The following PCLO variants were observed in gnomAD, a reference collection of about 807,000 sequenced individuals.
PCLO encodes the protein protein piccolo.
A neutral mutation model predicts 427.5 loss-of-function variants in PCLO; 82 were observed. The ratio of observed to expected loss-of-function variants is 0.19; its 90% CI spans 0.16 to 0.23. The LOEUF (loss-of-function observed/expected upper bound fraction) is 0.23. PCLO is among the 10% of genes least tolerant of loss of function. The pLI, the probability that PCLO is intolerant of heterozygous loss-of-function variation, is 1.00. For synonymous variants in PCLO, 2,357 were observed against 2,155.4 expected, an observed-to-expected ratio of 1.09 and a Z score of -2.59; for missense variants, 6,239 against 6,115.9, an observed-to-expected ratio of 1.02 and a Z score of -0.67.
intron 3 of PCLO, among the ~76,000 whole-genome samples, chr7:83,097,977 T>C (rs973824417): frequency 7.2e-5 from 11 of 152,164 alleles, no homozygotes; most frequent in African/African-American, 2.7e-4. Context: ...ACACTTGGAT[T>C]ATATTATTTG....
chr7:82,953,456 A>G lies in PCLO; in HGVS notation c.7497T>C (p.Phe2499=), dbSNP rs946624380. Residue 2499 remains phenylalanine (F), a synonymous_variant, in exon 5 of 25, where the codon TTT becomes TTC. Transcript: ENST00000333891. ...GTTTGCTTGGCTCAGGCCTGTGGGT[A>G]AATACAAGTCCAGATGGAATTGAAG... ...KPSSIPSGLV[F]THRPEPSKPP... 1.2e-6 allele frequency: 2 copies of G among 1,613,512 alleles called. No individual in the cohort carries two copies. Among genetic ancestry groups the G allele is most frequent in the Admixed American group, 3.3e-5 (2 of 59,936 alleles).
rs1428952363 is a variant in PCLO, at chr7:82,846,641, A to G, written c.13764-7T>C. ...TGATAGCATATTGAGGTCCCTAAAAATTAAAACAAAACATTAAGAAAGATA... is the reference window on the plus strand; with the variant it reads ...TGATAGCATATTGAGGTCCCTAAAAGTTAAAACAAAACATTAAGAAAGATA... On this transcript the variant is annotated splice_polypyrimidine_tract_variant and splice_region_variant and intron_variant, in intron 11 of 24. Transcript: ENST00000333891. The G allele has an allele frequency of 8.9e-6, 14 of 1,577,556 alleles. No individual in the cohort carries two copies. The highest frequency in any genetic ancestry group is 1.2e-5 in the Non-Finnish European group (14 of 1,155,438).
chr7:82,798,889 G>T (rs113302777), intron 22 of PCLO, among the ~76,000 whole-genome samples: 2 of 151,840 alleles, frequency 1.3e-5, no homozygotes, highest in African/African-American at 4.8e-5. Flanking sequence ...CTCAACCCCC[G>T]CCCCTCTGCT....
chr7:82,974,692 G>A (rs1016217122), intron 3 of PCLO, among the ~76,000 whole-genome samples: 2 of 152,110 alleles, frequency 1.3e-5, no homozygotes, highest in East Asian at 1.9e-4. Flanking sequence ...TATCATTTAT[G>A]TTTTATGTGC....
chr7:82,891,660 T>C (rs1584109033), intron 9 of PCLO, among the ~76,000 whole-genome samples: 1 of 152,166 alleles, frequency 6.6e-6, no homozygotes, highest in Middle Eastern at 3.4e-3. Context: ...CAGTATGATA[T>C]TGGCTGTGGG....
At chr7:82,957,483 T>G (rs1224796190) in intron 4 of PCLO, among the ~76,000 whole-genome samples, 1 of 152,214 alleles carries the variant, frequency 6.6e-6, no homozygotes, top group Non-Finnish European at 1.5e-5. Context: ...TTTGTTATCA[T>G]TCTTGTCAAA....
chr7:82,869,099 G>C (rs1199417711), intron 10 of PCLO, among the ~76,000 whole-genome samples: 4 of 151,972 alleles, frequency 2.6e-5, no homozygotes, highest in African/African-American at 7.2e-5. Context: ...AAAATCCAGT[G>C]ATTAAATAAA....
In PCLO at chr7:82,950,240, C is replaced by T. The variant is rs1222931809; in HGVS notation, c.10348G>A (p.Glu3450Lys). ...ACATAGCTCCGATCTGTGGCATCTT[C>T]GTCATCCGTTTGTACACCACTGTCC... The part of the protein sequence containing the change: ...IVDSGVQTDD[E>K]DATDRSYVSR... The change falls in exon 6 of 25, where the codon GAA (glutamate) becomes AAA (lysine). Residue 3450 changes from glutamate (E) to lysine (K), a missense_variant. Glu to Lys is a moderately conservative substitution (Grantham distance 56, BLOSUM62 1). This residue lies in a region of PCLO where 4,677 missense variants were observed against 4,468.4 expected (regional missense o/e 1.05). Transcript: ENST00000333891. 6 of 1,612,962 alleles carry T rather than the reference C, an allele frequency of 3.7e-6. No individual in the cohort carries two copies. Among genetic ancestry groups the T allele is most frequent in the Non-Finnish European group, 5.1e-6 (6 of 1,179,748 alleles).
chr7:82,801,578 G>C lies in PCLO; in HGVS notation c.14947C>G (p.Gln4983Glu), dbSNP rs558871819. The C allele has an allele frequency of 5.7e-6, 9 of 1,582,346 alleles. No homozygotes were observed. Among genetic ancestry groups the C allele is most frequent in the Non-Finnish European group, 6.9e-6 (8 of 1,151,820 alleles). ...TGTTTTACAGGCTCTTGTCCATTCT[G>C]TCCCATCTTCCCTCTGTTTAGAAAT... The part of the protein sequence containing the change: ...FPIPRIGKMG[Q>E]NGQEPVKQPG... Residue 4983 changes from glutamine (Q) to glutamate (E), a missense_variant, in exon 22 of 25, where the codon CAG (glutamine) becomes GAG (glutamate). Physicochemically the swap from Gln to Glu is conservative, Grantham distance 29. Around this residue, in one of 5 missense-constraint regions of PCLO, gnomAD observed 877 missense variants for 925.5 expected, o/e 0.95. Coordinates refer to ENST00000333891, the MANE Select transcript of PCLO (RefSeq NM_033026.6).
chr7:83,020,891 T>G (rs1053312916), intron 3 of PCLO, among the ~76,000 whole-genome samples: 3 of 152,188 alleles, frequency 2.0e-5, no homozygotes, highest in Non-Finnish European at 2.9e-5. Context: ...TTCTCATAGT[T>G]GTTTGTCACC....
In PCLO at chr7:82,953,056, T is replaced by G. The variant is rs374002924; in HGVS notation, c.7897A>C (p.Ile2633Leu). 2.5e-6 allele frequency: 4 copies of G among 1,613,780 alleles called. No individual in the cohort carries two copies. The highest frequency in any genetic ancestry group is 3.4e-6 in the Non-Finnish European group (4 of 1,179,848). ...ATGTAGAAGGTCTGTTCTGAAGAAA[T>G]TGGAATTTCTACAGCTGTCACAGGA... ...VPPVTAVEIP[I>L]SSEQTFYISG... Residue 2633 changes from isoleucine to leucine, a missense_variant, in exon 5 of 25, where the codon ATT (isoleucine) becomes CTT (leucine). This residue lies in a region of PCLO where 4,677 missense variants were observed against 4,468.4 expected (regional missense o/e 1.05). Transcript: ENST00000333891.
At chr7:82,973,433 G>C (rs1411871479) in intron 3 of PCLO, among the ~76,000 whole-genome samples, 1 of 152,104 alleles carries the variant, frequency 6.6e-6, no homozygotes. Flanking sequence ...ACATAAATAT[G>C]TATATGAATA....
At chr7:83,031,094 A>G (rs1024549875) in intron 3 of PCLO, among the ~76,000 whole-genome samples, 1 of 152,166 alleles carries the variant, frequency 6.6e-6, no homozygotes, top group Non-Finnish European at 1.5e-5. Flanking sequence ...CCTGAGCTGC[A>G]CTGTTCATAC....
At chr7:82,927,309 C>T (rs759955312) in intron 6 of PCLO, among the ~76,000 whole-genome samples, 3 of 152,126 alleles carry the variant, frequency 2.0e-5, no homozygotes, top group Non-Finnish European at 4.4e-5. Flanking sequence ...TTGGCTATTT[C>T]GCTTTCATGA....
chr7:83,078,952 T>C (rs909874489), intron 3 of PCLO, among the ~76,000 whole-genome samples: 2 of 152,134 alleles, frequency 1.3e-5, no homozygotes. Context: ...TTGTTAAAAC[T>C]ATACATAGGC....
chr7:83,074,311 T>C (rs1178269614), intron 3 of PCLO, among the ~76,000 whole-genome samples: 1 of 152,060 alleles, frequency 6.6e-6, no homozygotes, highest in African/African-American at 2.4e-5. Context: ...ATTTGTTTCA[T>C]AGGTAAAAAC....
chr7:83,162,500 G>A lies in PCLO; in HGVS notation c.93C>T (p.Ser31=). The A allele has an allele frequency of 6.4e-7, 1 of 1,567,832 alleles. No homozygotes were observed. Among genetic ancestry groups the A allele is most frequent in the Non-Finnish European group, 8.6e-7 (1 of 1,156,872 alleles). ...AAGGGASGAG[S]PSHTAIPAGM... is the part of the protein sequence containing the mutation. The stretch of plus-strand genomic sequence containing the variant: ...CGGCCGGGATCGCGGTGTGAGAGGG[G>A]CTCCCCGCCCCGCTAGCTCCTCCTC... The change falls in exon 1 of 25, where the codon AGC becomes AGT. Residue 31 remains serine (S), a synonymous_variant. Transcript: ENST00000333891.
At chr7:82,863,175 A>T (rs2115928071) in intron 10 of PCLO, among the ~76,000 whole-genome samples, 1 of 152,142 alleles carries the variant, frequency 6.6e-6, no homozygotes, top group South Asian at 2.1e-4. Flanking sequence ...TACTTTGCTT[A>T]CTTTGCTTAT....
intron 22 of PCLO, among the ~76,000 whole-genome samples, chr7:82,784,956 C>T (rs1160922147): frequency 1.3e-5 from 2 of 152,146 alleles, no homozygotes; most frequent in African/African-American, 4.8e-5. Context: ...AAATATATTG[C>T]CTCCAGCTTT....
Sources: allele counts gnomAD v4.1 joint callset (sites outside exome capture counted in the v4.1 genomes callset), GRCh38; gene constraint gnomAD v4.1.1; regional missense constraint gnomAD v4.1.1; transcripts MANE v1.5; gene names NCBI Gene and HGNC (gene_info 2026-07-23, HGNC 2026-07-21).